The following MRTFA variants were observed in gnomAD, a reference collection of about 807,000 sequenced individuals.
The protein encoded by MRTFA is myocardin related transcription factor A.
In MRTFA, 20 loss-of-function variants were observed where a neutral mutation model predicts 83.5. That is an observed-to-expected ratio of 0.24 (90% CI 0.17 to 0.35). The LOEUF (loss-of-function observed/expected upper bound fraction) is 0.35. MRTFA is among the 10% of genes least tolerant of loss of function. MRTFA has a pLI of 1.00. For synonymous variants in MRTFA, 659 were observed against 541.2 expected (o/e 1.22, Z -3.02); for missense variants, 1,200 against 1,224.7 (o/e 0.98, Z 0.30).
chr22:40,579,858 C>A, intron 2 of MRTFA, among the ~76,000 whole-genome samples: 1 of 143,412 alleles, frequency 7.0e-6, no homozygotes. Flanking sequence ...GAAACTCCAT[C>A]TCAAAAAAAA....
At chr22:40,546,724 G>A (rs1399365897) in intron 3 of MRTFA, among the ~76,000 whole-genome samples, 9 of 152,290 alleles carry the variant, frequency 5.9e-5, no homozygotes, top group Admixed American at 5.9e-4. Context: ...TATGCTAAGT[G>A]GAAACACTTC....
chr22:40,581,679 CAG>C (rs1017316644), intron 2 of MRTFA, among the ~76,000 whole-genome samples: 4 of 152,090 alleles, frequency 2.6e-5, no homozygotes, highest in African/African-American at 7.2e-5. Context: ...TGTGCATCCA[CAG>C]AGTCAGACAC....
chr22:40,537,009 A>G (rs1602400698), intron 3 of MRTFA, among the ~76,000 whole-genome samples: 1 of 50,338 alleles, frequency 2.0e-5, no homozygotes, highest in Non-Finnish European at 3.8e-5. Flanking sequence ...TCCGGGAGGG[A>G]GGTGGGGGGG....
At chr22:40,512,421 C>T (rs1454407223) in intron 3 of MRTFA, among the ~76,000 whole-genome samples, 2 of 152,174 alleles carry the variant, frequency 1.3e-5, no homozygotes, top group Non-Finnish European at 1.5e-5. Flanking sequence ...AGACAATCAC[C>T]TAGAAACATA....
At chr22:40,635,556 G>C (rs1024987902) in intron 1 of MRTFA, among the ~76,000 whole-genome samples, 1 of 152,200 alleles carries the variant, frequency 6.6e-6, no homozygotes, top group Non-Finnish European at 1.5e-5. Context: ...TGGCAAGCAA[G>C]TTAACCATTC....
At chr22:40,438,235 G>GA (rs2053208518) in intron 4 of MRTFA, among the ~76,000 whole-genome samples, 1 of 152,172 alleles carries the variant, frequency 6.6e-6, no homozygotes, top group Non-Finnish European at 1.5e-5. Flanking sequence ...TTGTAAGGAA[G>GA]AAACACCAGT....
chr22:40,477,209 G>A (rs1267131293), intron 3 of MRTFA, among the ~76,000 whole-genome samples: 16 of 148,430 alleles, frequency 1.1e-4, no homozygotes, highest in Admixed American at 1.1e-3. Flanking sequence ...AAATAGCCGG[G>A]CATGGTGGCG....
At chr22:40,542,261 C>G (rs1459852694) in intron 3 of MRTFA, among the ~76,000 whole-genome samples, 1 of 152,192 alleles carries the variant, frequency 6.6e-6, no homozygotes, top group Non-Finnish European at 1.5e-5. Flanking sequence ...TGTCAAACCA[C>G]TACTTATGCT....
chr22:40,544,958 AAT>A (rs546465190), intron 3 of MRTFA, among the ~76,000 whole-genome samples: 2 of 149,878 alleles, frequency 1.3e-5, no homozygotes. Flanking sequence ...AAATAAAATA[AAT>A]ATATATATAT....
At chr22:40,626,430 T>C (rs2056582501) in intron 1 of MRTFA, among the ~76,000 whole-genome samples, 1 of 152,108 alleles carries the variant, frequency 6.6e-6, no homozygotes, top group African/African-American at 2.4e-5. Context: ...GTAGCTGGGA[T>C]TATCGGTGCA....
intron 4 of MRTFA, among the ~76,000 whole-genome samples, chr22:40,436,881 G>A (rs370819198): frequency 1.3e-3 from 197 of 152,240 alleles, no homozygotes; most frequent in African/African-American, 3.4e-3. Flanking sequence ...AGTAGCAAGA[G>A]AGCATAGATA....
rs1159740867 is a variant in MRTFA, at chr22:40,594,677, G to A, written c.-25C>T. On this transcript the variant is annotated 5_prime_UTR_variant, in exon 2 of 15. Coordinates refer to ENST00000355630, the MANE Select transcript of MRTFA (RefSeq NM_020831.6). ...AGTAAATAAATCTGGGACCTACCTT[G>A]CTTACAATTCCCACAGACAGATGAA... 1 of 152,114 alleles carries A rather than the reference G, an allele frequency of 6.6e-6. No individual in the cohort carries two copies. Among genetic ancestry groups the A allele is most frequent in the African/African-American group, 2.4e-5 (1 of 41,398 alleles). 9.4% of individuals were successfully genotyped at this position (152,114 alleles called of 1,614,324 possible).
intron 1 of MRTFA, among the ~76,000 whole-genome samples, chr22:40,629,840 T>A (rs142399419): frequency 6.7e-6 from 1 of 148,444 alleles, no homozygotes; most frequent in Non-Finnish European, 1.5e-5. Context: ...TCCTAGCTAC[T>A]CAGGAGGCAG....
chr22:40,450,308 A>G (rs1453679704), intron 4 of MRTFA, among the ~76,000 whole-genome samples: 1 of 152,234 alleles, frequency 6.6e-6, no homozygotes, highest in Non-Finnish European at 1.5e-5. Context: ...TGACAGAAGA[A>G]GAAAGATGCC....
intron 1 of MRTFA, among the ~76,000 whole-genome samples, chr22:40,610,392 C>A (rs1468393259): frequency 6.6e-6 from 1 of 152,060 alleles, no homozygotes; most frequent in East Asian, 1.9e-4. Flanking sequence ...TCTCTCAGTT[C>A]CTCTGATGTC....
In MRTFA at chr22:40,424,338, G is replaced by A. The variant is rs1203901499; in HGVS notation, c.645C>T (p.Phe215=). Reference sequence around the variant, plus strand: ...ATAAGGCATCGCTGCTGTCCTCATCGAAGGAAGAGCTGTCTGCTACTTTGG... The same window carrying A: ...ATAAGGCATCGCTGCTGTCCTCATCAAAGGAAGAGCTGTCTGCTACTTTGG... Residue 215 remains phenylalanine (F), a synonymous_variant, in exon 8 of 15, where the codon TTC becomes TTT. Transcript: ENST00000355630. The A allele has an allele frequency of 4.3e-6, 7 of 1,613,646 alleles. No homozygotes were observed. The highest frequency in any genetic ancestry group is 5.9e-6 in the Non-Finnish European group (7 of 1,179,780).
intron 4 of MRTFA, among the ~76,000 whole-genome samples, chr22:40,460,429 T>C (rs1240713814): frequency 2.0e-5 from 3 of 152,330 alleles, no homozygotes; most frequent in Admixed American, 2.0e-4. Flanking sequence ...TCAGAATTAG[T>C]GCTGTAATTA....
At chr22:40,604,372 C>T (rs1236092772) in intron 1 of MRTFA, among the ~76,000 whole-genome samples, 5 of 151,804 alleles carry the variant, frequency 3.3e-5, no homozygotes, top group Non-Finnish European at 7.4e-5. Context: ...CCTCGTAACC[C>T]GCCCGCCTCG....
chr22:40,623,490 G>T (rs897222755), intron 1 of MRTFA, among the ~76,000 whole-genome samples: 1 of 143,708 alleles, frequency 7.0e-6, no homozygotes, highest in Non-Finnish European at 1.5e-5. Context: ...CCCCGATACT[G>T]TCCTTTAAGC....
Sources: allele counts gnomAD v4.1 joint callset (sites outside exome capture counted in the v4.1 genomes callset), GRCh38; gene constraint gnomAD v4.1.1; transcripts MANE v1.5; gene names NCBI Gene and HGNC (gene_info 2026-07-23, HGNC 2026-07-21).